The following NOTCH2NLB variants were observed in gnomAD, a reference collection of about 807,000 sequenced individuals.
NOTCH2NLB encodes the protein notch 2 N-terminal like B.
NOTCH2NLB carries 1 observed loss-of-function variant against 14.8 expected under a neutral mutation model. The observed-to-expected ratio is 0.07, with a 90% CI of 0.02 to 0.32. The LOEUF is 0.32. NOTCH2NLB is among the 10% of genes least tolerant of loss of function. The probability of loss-of-function intolerance (pLI) is 1.00; values close to 1 mark genes in which losing one functional copy is unlikely to be tolerated. For missense variants in NOTCH2NLB, 11 were observed against 155.0 expected, an observed-to-expected ratio of 0.07 and a Z score of 4.93; for synonymous variants, 6 against 57.5, an observed-to-expected ratio of 0.10 and a Z score of 4.05.
chr1:148,651,156 A>ATATATAT (rs1422306675), intron 1 of NOTCH2NLB, among the ~76,000 whole-genome samples: 5 of 80,214 alleles, frequency 6.2e-5, no homozygotes, highest in African/African-American at 2.4e-4. Flanking sequence ...AAAAAAAAAA[A>ATATATAT]AAAAAAATAT....
At chr1:148,605,254 A>G (rs1663476712), downstream of NOTCH2NLB, among the ~76,000 whole-genome samples, 1 of 135,864 alleles carries the variant, frequency 7.4e-6, no homozygotes, top group Admixed American at 7.2e-5. Context: ...ATCACTTAAC[A>G]TCTCCAAACT....
At chr1:148,623,512 TC>T (rs1663931859) in intron 2 of NOTCH2NLB, among the ~76,000 whole-genome samples, 1 of 21,574 alleles carries the variant, frequency 4.6e-5, no homozygotes, top group Non-Finnish European at 6.9e-5. Flanking sequence ...ACATCATGCT[TC>T]CCTTCTGGTA....
intron 1 of NOTCH2NLB, among the ~76,000 whole-genome samples, chr1:148,660,428 T>A (rs1432603217): frequency 1.4e-5 from 2 of 141,826 alleles, no homozygotes; most frequent in Non-Finnish European, 3.1e-5. Context: ...CTTTGAAAAA[T>A]AAGAAGATTC....
chr1:148,712,372 A>G, the NOTCH2NLB span, among the ~76,000 whole-genome samples: 1 of 148,248 alleles, frequency 6.7e-6, no homozygotes, highest in Non-Finnish European at 1.5e-5. Context: ...GTAGTCCCAG[A>G]AGGAAGAGTG....
At chr1:148,604,651 GCATTAT>G (rs1663449099), downstream of NOTCH2NLB, among the ~76,000 whole-genome samples, 1 of 137,470 alleles carries the variant, frequency 7.3e-6, no homozygotes, top group Non-Finnish European at 1.6e-5. Flanking sequence ...GAAGGGCACT[GCATTAT>G]GAAAAGGACT....
intron 2 of NOTCH2NLB, among the ~76,000 whole-genome samples, chr1:148,637,476 A>T (rs1664231710): frequency 7.0e-6 from 1 of 142,732 alleles, no homozygotes; most frequent in Admixed American, 6.9e-5. Context: ...CATATTTGAA[A>T]TTCTCCATAT....
chr1:148,626,507 ACT>A (rs2149608770), intron 2 of NOTCH2NLB, among the ~76,000 whole-genome samples: 1 of 63,644 alleles, frequency 1.6e-5, no homozygotes, highest in Non-Finnish European at 2.7e-5. Flanking sequence ...ACAATCTCTC[ACT>A]CTCACACACG....
At chr1:148,661,641 A>G (rs1313732762) in intron 1 of NOTCH2NLB, among the ~76,000 whole-genome samples, 3 of 150,168 alleles carry the variant, frequency 2.0e-5, no homozygotes, top group African/African-American at 7.3e-5. Context: ...AGCTCTCACA[A>G]CATAAAAGTG....
chr1:148,670,539 A>AAATATATATATAC (rs1445301786), intron 1 of NOTCH2NLB, among the ~76,000 whole-genome samples: 19 of 93,446 alleles, frequency 2.0e-4, no homozygotes, highest in African/African-American at 7.7e-4. Context: ...TAAAAAAAAA[A>AAATATATATATAC]ATATATATAT....
rs1325402394 is a variant in NOTCH2NLB at position 148,651,162 on chromosome 1, A to ATATATATACATATATAT, written c.4-11074_4-11073insATATATATGTATATATA. ...TGCCTGAGAAAAAAAAAAAAAAAAA[A>ATATATATACATATATAT]ATATATATATATATATATATATATA... On this transcript the variant is annotated intron_variant, in intron 1 of 4. Transcript: ENST00000593495. Among the ~76,000 whole-genome samples the ATATATATACATATATAT allele has an allele frequency of 2.8e-4, 13 of 46,024 alleles. No homozygotes were observed. The East Asian group carries it at 3.6e-3, about 13-fold the overall frequency. 30.2% of individuals were successfully genotyped at this position (46,024 alleles called of 152,430 possible). A position where few individuals can be genotyped will look rare whatever the true frequency, so the allele number is the denominator to read the frequency against.
At chr1:148,707,963 C>CCCT in the NOTCH2NLB span, among the ~76,000 whole-genome samples, 1 of 81,462 alleles carries the variant, frequency 1.2e-5, no homozygotes, top group African/African-American at 5.2e-5. Flanking sequence ...TATTCCCCCC[C>CCCT]CCCCACCTTT....
chr1:148,613,120 G>A (rs1663740227), intron 3 of NOTCH2NLB, among the ~76,000 whole-genome samples: 1 of 147,904 alleles, frequency 6.8e-6, no homozygotes, highest in Non-Finnish European at 1.5e-5. Context: ...TTTATCATGT[G>A]ACATAAGATT....
chr1:148,670,553 C>CACATATATATATATAT (rs1664752833), intron 1 of NOTCH2NLB, among the ~76,000 whole-genome samples: 2 of 104,232 alleles, frequency 1.9e-5, no homozygotes, highest in African/African-American at 6.9e-5. Context: ...TATATATATA[C>CACATATATATATATAT]ATATATATAT....
At chr1:148,609,102 T>C (rs1446493291) in intron 3 of NOTCH2NLB, among the ~76,000 whole-genome samples, 1 of 139,380 alleles carries the variant, frequency 7.2e-6, no homozygotes, top group African/African-American at 2.8e-5. Flanking sequence ...TTATTATTAT[T>C]ATTATTATTA....
At chr1:148,649,886 TTATAAA>T (rs1161473825) in intron 1 of NOTCH2NLB, among the ~76,000 whole-genome samples, 2 of 105,952 alleles carry the variant, frequency 1.9e-5, no homozygotes, top group African/African-American at 7.6e-5. Context: ...GGAAAAAAAT[TTATAAA>T]TATATATAAT....
chr1:148,610,367 A>AAGAG (rs1327436531), intron 3 of NOTCH2NLB, among the ~76,000 whole-genome samples: 3 of 118,370 alleles, frequency 2.5e-5, no homozygotes. Context: ...GAAAGAAAGA[A>AAGAG]AGAAAGAGAA....
intron 1 of NOTCH2NLB, among the ~76,000 whole-genome samples, chr1:148,645,925 A>T (rs1433142064): frequency 4.7e-5 from 7 of 150,372 alleles, no homozygotes; most frequent in African/African-American, 1.7e-4. Flanking sequence ...TGGATGCAGA[A>T]ATCAGACAAA....
Position 148,679,403 on chromosome 1 carries a change from G to A in NOTCH2NLB, c.3+59C>T, listed in dbSNP as rs1664886523. 11 of 771,680 alleles carry A rather than the reference G, an allele frequency of 1.4e-5. 2 individuals are homozygous for A. The highest frequency in any genetic ancestry group is 1.9e-5 in the Non-Finnish European group (11 of 593,674). 47.8% of individuals were successfully genotyped at this position (771,680 alleles called of 1,614,324 possible). On this transcript the variant is annotated intron_variant, in intron 1 of 4. Transcript: ENST00000593495. ...ACAGAGAAGGACCGAGGGGGAGAAG[G>A]GTCGCCCCAGGTGGCAGCCCCGGGC...
At chr1:148,602,259 CAAAAAAA>C (rs1173403342), downstream of NOTCH2NLB, among the ~76,000 whole-genome samples, 1 of 21,234 alleles carries the variant, frequency 4.7e-5, no homozygotes, top group Non-Finnish European at 6.4e-5. Context: ...TGCTCCGTCT[CAAAAAAA>C]AAAAAAAAAA....
Sources: allele counts gnomAD v4.1 joint callset (sites outside exome capture counted in the v4.1 genomes callset), GRCh38; gene constraint gnomAD v4.1.1; transcripts MANE v1.5; gene names NCBI Gene and HGNC (gene_info 2026-07-23, HGNC 2026-07-21).